The following XRCC4 variants were observed in gnomAD, a reference collection of about 807,000 sequenced individuals.
The protein encoded by XRCC4 is DNA repair protein XRCC4.
A neutral mutation model predicts 39.1 loss-of-function variants in XRCC4; 28 were observed. The observed-to-expected ratio is 0.72, with a 90% CI of 0.53 to 0.98. The LOEUF (loss-of-function observed/expected upper bound fraction) is 0.98. XRCC4 is among the 50% of genes least tolerant of loss of function. The probability of loss-of-function intolerance (pLI) is 0.00; values close to 1 mark genes in which losing one functional copy is unlikely to be tolerated. For synonymous variants in XRCC4, 123 were observed against 126.4 expected (o/e 0.97, Z 0.18); for missense variants, 350 against 376.4 (o/e 0.93, Z 0.58).
At chr5:83,125,883 TGA>T (rs1282504560) in intron 3 of XRCC4, among the ~76,000 whole-genome samples, 3 of 150,802 alleles carry the variant, frequency 2.0e-5, no homozygotes, top group Non-Finnish European at 4.4e-5. Flanking sequence ...CTTGGGAGGC[TGA>T]GACAGGAGAA....
intron 3 of XRCC4, among the ~76,000 whole-genome samples, chr5:83,154,087 T>A (rs1441669783): frequency 1.3e-5 from 2 of 152,212 alleles, no homozygotes; most frequent in Non-Finnish European, 2.9e-5. Flanking sequence ...AAGGCCATCA[T>A]TCTAATTTTG....
chr5:83,080,974 C>T lies in XRCC4; in HGVS notation c.-11+3359C>T, dbSNP rs1203942355. Among the ~76,000 whole-genome samples, 8 of 152,132 alleles carry T rather than the reference C, an allele frequency of 5.3e-5. No homozygotes were observed. In the South Asian group the frequency reaches 1.0e-3, roughly 20 times the overall value. The stretch of plus-strand genomic sequence containing the variant: ...AATTTATGCTAGTTTTACTGTCACA[C>T]CTCAAACTGCCAAACTTATAGCCAT... On this transcript the variant is annotated intron_variant, in intron 1 of 7. Transcript: ENST00000396027.
chr5:83,286,484 T>C (rs1008179164), intron 7 of XRCC4, among the ~76,000 whole-genome samples: 1 of 152,090 alleles, frequency 6.6e-6, no homozygotes, highest in Non-Finnish European at 1.5e-5. Context: ...GTCTGAAATA[T>C]GTATGGCAAG....
Position 83,124,390 on chromosome 5 carries a change from G to T in XRCC4, c.315+13187G>T, listed in dbSNP as rs112289984. On this transcript the variant is annotated intron_variant, in intron 3 of 7. Coordinates refer to ENST00000396027, the MANE Select transcript of XRCC4 (RefSeq NM_003401.5). ...AATATATATCCTTTTGAGATTGGCT[G>T]CTTTTCACTGACCCTAATACTTTTG... 9.3e-3 allele frequency among the ~76,000 whole-genome samples: 1,412 copies of T among 152,184 alleles called. 18 individuals are homozygous for T. The highest frequency in any genetic ancestry group is 0.032 in the African/African-American group (1,328 of 41,528).
At chr5:83,309,113 A>G (rs1243714794) in intron 7 of XRCC4, among the ~76,000 whole-genome samples, 1 of 150,432 alleles carries the variant, frequency 6.6e-6, no homozygotes, top group East Asian at 2.0e-4. Flanking sequence ...CGCTGTCTCT[A>G]CTAAAAATAC....
Position 83,353,054 on chromosome 5 carries a change from G to A in XRCC4, c.894-77G>A, listed in dbSNP as rs2112239711. ...AGGATTTAACTGTCATTTCACTTAT[G>A]TGTCTCTTCATTTTCTTTTACTCTA... On this transcript the variant is annotated intron_variant, in intron 7 of 7. Coordinates refer to ENST00000396027, the MANE Select transcript of XRCC4 (RefSeq NM_003401.5). 3 of 1,132,634 alleles carry A rather than the reference G, an allele frequency of 2.6e-6. No individual in the cohort carries two copies. In the African/African-American group the frequency reaches 4.8e-5, roughly 18 times the overall value. 70.2% of individuals were successfully genotyped at this position (1,132,634 alleles called of 1,614,324 possible).
intron 1 of XRCC4, among the ~76,000 whole-genome samples, chr5:83,081,327 C>CT (rs1744931730): frequency 6.6e-6 from 1 of 152,088 alleles, no homozygotes; most frequent in Non-Finnish European, 1.5e-5. Flanking sequence ...AATTGTTCTG[C>CT]TTTTTTCCTC....
chr5:83,205,318 C>T (rs1420775432), intron 6 of XRCC4, among the ~76,000 whole-genome samples: 1 of 152,048 alleles, frequency 6.6e-6, no homozygotes, highest in East Asian at 1.9e-4. Context: ...ATCAAGAATG[C>T]TCTAAATTAT....
At chr5:83,161,329 A>G (rs1749201219) in intron 3 of XRCC4, among the ~76,000 whole-genome samples, 1 of 152,034 alleles carries the variant, frequency 6.6e-6, no homozygotes, top group East Asian at 1.9e-4. Flanking sequence ...ACAGAGTTTC[A>G]CCTTGTTGGC....
At chr5:83,157,381 G>A (rs553882134) in intron 3 of XRCC4, among the ~76,000 whole-genome samples, 3 of 152,152 alleles carry the variant, frequency 2.0e-5, no homozygotes, top group African/African-American at 7.2e-5. Context: ...CTGTTACTCT[G>A]TAAATAGAGT....
intron 1 of XRCC4, among the ~76,000 whole-genome samples, chr5:83,083,453 T>A (rs1364309595): frequency 6.7e-6 from 1 of 148,252 alleles, no homozygotes; most frequent in East Asian, 2.0e-4. Flanking sequence ...CTCTACTCAC[T>A]ACAACCTCTG....
intron 1 of XRCC4, among the ~76,000 whole-genome samples, chr5:83,087,975 GA>G (rs1745257780): frequency 6.6e-6 from 1 of 152,098 alleles, no homozygotes; most frequent in East Asian, 1.9e-4. Context: ...AATTGTTAAG[GA>G]AAAATAATTT....
intron 3 of XRCC4, among the ~76,000 whole-genome samples, chr5:83,136,605 A>G (rs1747910364): frequency 6.6e-6 from 1 of 152,188 alleles, no homozygotes. Flanking sequence ...CTTAAGGTGA[A>G]CCTCAGCCTT....
At chr5:83,113,120 C>A (rs1279972961) in intron 3 of XRCC4, among the ~76,000 whole-genome samples, 2 of 152,170 alleles carry the variant, frequency 1.3e-5, no homozygotes, top group African/African-American at 2.4e-5. Flanking sequence ...AGTTACTTCC[C>A]AGATACAATG....
At chr5:83,167,284 AT>A (rs1749528416) in intron 3 of XRCC4, among the ~76,000 whole-genome samples, 1 of 151,204 alleles carries the variant, frequency 6.6e-6, no homozygotes, top group African/African-American at 2.4e-5. Context: ...GTGGACAGAG[AT>A]TGTGACGTTT....
chr5:83,173,076 G>GA (rs952778232), intron 3 of XRCC4, among the ~76,000 whole-genome samples: 2 of 151,930 alleles, frequency 1.3e-5, no homozygotes, highest in Non-Finnish European at 2.9e-5. Flanking sequence ...CCATGTTTAT[G>GA]AAAAAAACAT....
intron 7 of XRCC4, among the ~76,000 whole-genome samples, chr5:83,309,442 G>T: frequency 6.6e-6 from 1 of 150,666 alleles, no homozygotes; most frequent in African/African-American, 2.4e-5. Context: ...ATATGCTTTT[G>T]AACAGAATTA....
At chr5:83,088,214 G>T (rs374760377) in intron 1 of XRCC4, among the ~76,000 whole-genome samples, 16 of 152,066 alleles carry the variant, frequency 1.1e-4, no homozygotes, top group East Asian at 9.6e-4. Flanking sequence ...CTTTAACTCT[G>T]CTGTAGCAAA....
In XRCC4 at chr5:83,204,926, G is replaced by A; in HGVS notation, c.745+5G>A. On this transcript the variant is annotated splice_donor_5th_base_variant and intron_variant, in intron 6 of 7. Transcript: ENST00000396027. ...ATCTCTCTGGGTTGGCTTCAGGTAAGAGATACATACATTTATCTCCTCTGT... is the reference window on the plus strand; with the variant it reads ...ATCTCTCTGGGTTGGCTTCAGGTAAAAGATACATACATTTATCTCCTCTGT... The A allele has an allele frequency of 6.3e-7, 1 of 1,590,356 alleles. No homozygotes were observed. Among genetic ancestry groups the A allele is most frequent in the South Asian group, 1.1e-5 (1 of 90,066 alleles).
Sources: gnomAD v4.1 joint callset for allele counts (sites outside exome capture counted in the v4.1 genomes callset) on GRCh38, gnomAD v4.1.1 for gene constraint, MANE v1.5 for transcripts, NCBI Gene and HGNC (gene_info 2026-07-23, HGNC 2026-07-21) for gene names.